Variants in ZNF710 observed in about 807,000 individuals in gnomAD.
ZNF710 encodes the protein zinc finger protein 710.
Under a neutral mutation model 50.6 loss-of-function variants are expected in ZNF710, and 13 were observed. The observed-to-expected ratio is 0.26, with a 90% confidence interval of 0.17 to 0.41. The LOEUF (loss-of-function observed/expected upper bound fraction) is 0.41. Among genes scored for constraint, ZNF710 ranks in the 10% least tolerant of loss-of-function variants. ZNF710 has a pLI of 1.00. For missense variants in ZNF710, 721 were observed against 936.6 expected, an observed-to-expected ratio of 0.77 and a Z score of 3.01; for synonymous variants, 383 against 397.0, an observed-to-expected ratio of 0.96 and a Z score of 0.42.
At chr15:90,057,175 C>T (rs978054459) in intron 1 of ZNF710, among the ~76,000 whole-genome samples, 1 of 152,054 alleles carries the variant, frequency 6.6e-6, no homozygotes, top group South Asian at 2.1e-4. Context: ...AAACTTTGGC[C>T]CAAGTTCTTT....
At chr15:90,005,255 G>C (rs1420234350) in intron 1 of ZNF710, among the ~76,000 whole-genome samples, 1 of 152,114 alleles carries the variant, frequency 6.6e-6, no homozygotes, top group Admixed American at 6.6e-5. Context: ...GGGAAGATTT[G>C]CCTGCCAGAA....
chr15:90,023,201 C>T (rs2151477025), intron 1 of ZNF710, among the ~76,000 whole-genome samples: 1 of 152,300 alleles, frequency 6.6e-6, no homozygotes, highest in African/African-American at 2.4e-5. Flanking sequence ...AGCTCACACT[C>T]CATCCATTGA....
chr15:90,021,254 C>T (rs965812579), intron 1 of ZNF710, among the ~76,000 whole-genome samples: 1 of 152,212 alleles, frequency 6.6e-6, no homozygotes, highest in African/African-American at 2.4e-5. Context: ...CCCGCTGAAG[C>T]GGCTCAGAGG....
intron 1 of ZNF710, among the ~76,000 whole-genome samples, chr15:90,006,083 G>A (rs946233684): frequency 9.9e-5 from 15 of 152,026 alleles, no homozygotes; most frequent in African/African-American, 3.6e-4. Flanking sequence ...AGAAATTGTG[G>A]GTCTGCAGCA....
chr15:90,018,900 TTTG>T (rs869154735), intron 1 of ZNF710, among the ~76,000 whole-genome samples: 11 of 152,160 alleles, frequency 7.2e-5, no homozygotes, highest in Non-Finnish European at 1.5e-4. Flanking sequence ...TGTTTGTTTG[TTTG>T]TTTTTTAATC....
intron 1 of ZNF710, among the ~76,000 whole-genome samples, chr15:90,036,775 A>G (rs1567229271): frequency 6.6e-6 from 1 of 151,944 alleles, no homozygotes; most frequent in Non-Finnish European, 1.5e-5. Context: ...AGCAACATGC[A>G]TGGGATCGTG....
rs1236176528 is a variant in ZNF710, at chr15:90,060,613, G to A, written c.-28-6497G>A. On this transcript the variant is annotated intron_variant, in intron 1 of 4. Transcript: ENST00000268154. ...TCACGCCTGTAATCCCAGCACTCTG[G>A]GAGGACGAGGCAGGTGGATCACCTG... Among the ~76,000 whole-genome samples, 3 of 152,186 alleles carry A rather than the reference G, an allele frequency of 2.0e-5. No individual in the cohort carries two copies. The East Asian group carries it at 5.8e-4, about 29-fold the overall frequency.
intron 1 of ZNF710, among the ~76,000 whole-genome samples, chr15:90,044,955 C>T (rs1899414710): frequency 6.6e-6 from 1 of 152,132 alleles, no homozygotes; most frequent in Non-Finnish European, 1.5e-5. Flanking sequence ...CACTGTGTCA[C>T]ACCTCCACAT....
intron 1 of ZNF710, among the ~76,000 whole-genome samples, chr15:90,029,552 C>T (rs868841220): frequency 2.0e-5 from 3 of 152,042 alleles, no homozygotes; most frequent in Non-Finnish European, 2.9e-5. Context: ...GGATCGCTTG[C>T]GGCCAGGAGA....
intron 1 of ZNF710, among the ~76,000 whole-genome samples, chr15:90,051,413 C>T (rs188198393): frequency 1.3e-3 from 195 of 152,190 alleles, no homozygotes; most frequent in African/African-American, 3.9e-3. Flanking sequence ...GCGGGCGGAT[C>T]GCCTGAGGTC....
At chr15:90,039,946 C>G (rs1180014259) in intron 1 of ZNF710, among the ~76,000 whole-genome samples, 2 of 61,738 alleles carry the variant, frequency 3.2e-5, no homozygotes, top group African/African-American at 1.6e-4. Context: ...TTTTCATATG[C>G]TCTGCAGTTC....
chr15:90,060,487 G>T (rs925473016), intron 1 of ZNF710, among the ~76,000 whole-genome samples: 58 of 152,250 alleles, frequency 3.8e-4, no homozygotes, highest in African/African-American at 1.4e-3. Flanking sequence ...CCAGGAGTTT[G>T]AGGCTGCAGT....
At chr15:90,036,876 C>G (rs1596280547) in intron 1 of ZNF710, among the ~76,000 whole-genome samples, 1 of 152,158 alleles carries the variant, frequency 6.6e-6, no homozygotes, top group Non-Finnish European at 1.5e-5. Context: ...AGCCACTGTT[C>G]CCAGTTCACA....
At chr15:90,002,277 G>C (rs1003832372) in intron 1 of ZNF710, among the ~76,000 whole-genome samples, 8 of 151,534 alleles carry the variant, frequency 5.3e-5, no homozygotes, top group African/African-American at 1.9e-4. Flanking sequence ...GGGCGTCCCC[G>C]AGGGCCACTG....
At chr15:90,056,421 A>C (rs1899819522) in intron 1 of ZNF710, among the ~76,000 whole-genome samples, 1 of 152,176 alleles carries the variant, frequency 6.6e-6, no homozygotes, top group South Asian at 2.1e-4. Flanking sequence ...TCTCAAAAAA[A>C]AAAGAGCTCC....
rs1555460012 is a variant in ZNF710, at chr15:90,074,002, A to AAC, written c.1651-113_1651-112insCA. The AAC allele has an allele frequency of 1.3e-5, 15 of 1,173,638 alleles. No homozygotes were observed. In the African/African-American group the frequency reaches 2.0e-4, roughly 16 times the overall value. The allele number at this position is 1,173,638 out of a possible 1,614,324, so 72.7% of individuals were successfully genotyped here. A position where few individuals can be genotyped will look rare whatever the true frequency, so the allele number is the denominator to read the frequency against. ...GAGAGTCTGTCTCAAAAAAAAAACA[A>AAC]AAAAAAAAAACAAAAGAATAGGATT... is the stretch of plus-strand genomic sequence containing the variant. On this transcript the variant is annotated intron_variant, in intron 3 of 4. Coordinates refer to ENST00000268154, the MANE Select transcript of ZNF710 (RefSeq NM_198526.4).
intron 1 of ZNF710, among the ~76,000 whole-genome samples, chr15:90,027,846 G>GA (rs11390221): frequency 0.59 from 79,035 of 133,028 alleles, 23,185 homozygotes; most frequent in African/African-American, 0.64. Flanking sequence ...ACACTGTCTC[G>GA]AAAAAAAAAA....
chr15:90,017,476 A>G (rs1304584206), intron 1 of ZNF710, among the ~76,000 whole-genome samples: 4 of 151,606 alleles, frequency 2.6e-5, no homozygotes, highest in Non-Finnish European at 5.9e-5. Context: ...GTGGTGCCAT[A>G]TTTATTTTCT....
intron 1 of ZNF710, among the ~76,000 whole-genome samples, chr15:90,011,553 C>G (rs1037417843): frequency 6.6e-6 from 1 of 152,200 alleles, no homozygotes; most frequent in Non-Finnish European, 1.5e-5. Flanking sequence ...TGTCTTTAAT[C>G]CCACAAATTG....
Sources: allele counts gnomAD v4.1 joint callset (sites outside exome capture counted in the v4.1 genomes callset), GRCh38; gene constraint gnomAD v4.1.1; transcripts MANE v1.5; gene names NCBI Gene and HGNC (gene_info 2026-07-23, HGNC 2026-07-21).